NEXMIF: variants seen among roughly 807,000 people sequenced by gnomAD.
NEXMIF encodes XLMR protein related to neurite extension.
In NEXMIF, 8 loss-of-function variants were observed where a neutral mutation model predicts 62.1. The observed-to-expected ratio is 0.13, with a 90% CI of 0.08 to 0.23. NEXMIF has a LOEUF of 0.23. Among genes scored for constraint, NEXMIF ranks in the 10% least tolerant of loss-of-function variants. NEXMIF has a pLI of 1.00. For missense variants in NEXMIF, 976 were observed against 1,113.3 expected, an observed-to-expected ratio of 0.88 and a Z score of 1.75; for synonymous variants, 404 against 416.6, an observed-to-expected ratio of 0.97 and a Z score of 0.37.
At chrX:74,812,936 C>A (rs192419717) in intron 1 of NEXMIF, among the ~76,000 whole-genome samples, 65 of 111,601 alleles carry the variant, frequency 5.8e-4, no homozygotes, top group African/African-American at 1.9e-3. Flanking sequence ...CTTGGAAAAC[C>A]TGCTGTAGTG....
At chrX:74,865,292 T>C (rs1350317876) in intron 1 of NEXMIF, among the ~76,000 whole-genome samples, 4 of 111,407 alleles carry the variant, frequency 3.6e-5, no homozygotes, top group African/African-American at 1.3e-4. Flanking sequence ...GAGGAATTTG[T>C]TGGGAACTGG....
chrX:74,751,482 GTC>G (rs1362539055), intron 1 of NEXMIF, among the ~76,000 whole-genome samples: 3 of 107,575 alleles, frequency 2.8e-5, no homozygotes, highest in Non-Finnish European at 5.8e-5. Context: ...TCTTCTCTCT[GTC>G]TCTCTCTCTT....
At chrX:74,871,022 G>A (rs2080598630) in intron 1 of NEXMIF, among the ~76,000 whole-genome samples, 2 of 112,040 alleles carry the variant, frequency 1.8e-5, no homozygotes, top group Non-Finnish European at 3.8e-5. Flanking sequence ...GTACTCCTGT[G>A]TTTATTGCAG....
intron 1 of NEXMIF, among the ~76,000 whole-genome samples, chrX:74,750,877 A>G (rs1276369245): frequency 9.0e-6 from 1 of 111,728 alleles, no homozygotes; most frequent in African/African-American, 3.3e-5. Flanking sequence ...AAAGAATTCT[A>G]TATATCTCAA....
chrX:74,866,193 C>A (rs901681633), intron 1 of NEXMIF, among the ~76,000 whole-genome samples: 2 of 111,936 alleles, frequency 1.8e-5, no homozygotes, highest in African/African-American at 6.5e-5. Context: ...CGTGGGATCC[C>A]ACTGCTTGCA....
intron 1 of NEXMIF, among the ~76,000 whole-genome samples, chrX:74,815,881 G>A (rs753247662): frequency 2.4e-4 from 27 of 110,206 alleles, no homozygotes; most frequent in African/African-American, 7.3e-4. Flanking sequence ...TGATCCACCC[G>A]CCTCGGCATC....
At chrX:74,868,130 T>C (rs2080586848) in intron 1 of NEXMIF, among the ~76,000 whole-genome samples, 2 of 111,970 alleles carry the variant, frequency 1.8e-5, no homozygotes, top group African/African-American at 6.5e-5. Flanking sequence ...AAACAACAGA[T>C]ACTGGTGAGG....
At chrX:74,819,590 T>A (rs375914651) in intron 1 of NEXMIF, among the ~76,000 whole-genome samples, 1 of 111,959 alleles carries the variant, frequency 8.9e-6, no homozygotes, top group African/African-American at 3.2e-5. Context: ...GAAAAAAAGC[T>A]CATCATCACT....
chrX:74,920,552 A>G (rs2147377754), intron 1 of NEXMIF, among the ~76,000 whole-genome samples: 1 of 111,264 alleles, frequency 9.0e-6, no homozygotes, highest in Non-Finnish European at 1.9e-5. Context: ...GTAGGTTGCA[A>G]AAATTTTCTC....
intron 1 of NEXMIF, among the ~76,000 whole-genome samples, chrX:74,785,036 T>C (rs1042454509): frequency 1.8e-5 from 2 of 111,505 alleles, no homozygotes; most frequent in African/African-American, 3.3e-5. Flanking sequence ...TGTGACTCTA[T>C]TGGGAGAAGA....
intron 1 of NEXMIF, among the ~76,000 whole-genome samples, chrX:74,866,938 C>CAGAATACAAAACCAATGTGCA (rs2080581872): frequency 8.9e-6 from 1 of 112,293 alleles, no homozygotes. Flanking sequence ...CTAATACACT[C>CAGAATACAAAACCAATGTGCA]AGAATACAAA....
At chrX:74,752,780 CT>C (rs2080148273) in intron 1 of NEXMIF, among the ~76,000 whole-genome samples, 1 of 111,777 alleles carries the variant, frequency 8.9e-6, no homozygotes, top group South Asian at 3.7e-4. Flanking sequence ...GTCCCTTTGC[CT>C]TTGTGAAAGA....
At chrX:74,882,637 G>A (rs760651972) in intron 1 of NEXMIF, among the ~76,000 whole-genome samples, 5 of 111,839 alleles carry the variant, frequency 4.5e-5, no homozygotes, top group African/African-American at 1.3e-4. Flanking sequence ...GTAGGTAAAC[G>A]AAGTGTCCAG....
intron 1 of NEXMIF, among the ~76,000 whole-genome samples, chrX:74,819,648 C>T (rs1031572099): frequency 1.1e-4 from 12 of 112,044 alleles, no homozygotes; most frequent in South Asian, 7.5e-4. Context: ...TACCATCCCA[C>T]GCCAGTTAGA....
At chrX:74,814,603 T>C (rs2080370229) in intron 1 of NEXMIF, among the ~76,000 whole-genome samples, 1 of 112,240 alleles carries the variant, frequency 8.9e-6, no homozygotes, top group Non-Finnish European at 1.9e-5. Context: ...ATGCTATGAC[T>C]GATGCACATG....
chrX:74,823,766 T>C lies in NEXMIF; in HGVS notation c.-47-78069A>G, dbSNP rs1288757454. On this transcript the variant is annotated intron_variant, in intron 1 of 3. Coordinates refer to ENST00000055682, the MANE Select transcript of NEXMIF (RefSeq NM_001008537.3). ...GCAAAATGAACACTGTGTAAGACTA[T>C]GAATGAGAAAATAGATGGGGGAGAG... 3.6e-5 allele frequency among the ~76,000 whole-genome samples: 4 copies of C among 110,739 alleles called. No individual in the cohort carries two copies. In the Admixed American group the frequency reaches 3.9e-4, roughly 11 times the overall value.
chrX:74,740,149 C>A lies in NEXMIF; in HGVS notation c.4408G>T (p.Glu1470Ter). ...CCAGACTCATCCTTGTGGACCTGTTCTCGCTCCATGTGCTTTCCCTTACAT... is the reference window on the plus strand; with the variant it reads ...CCAGACTCATCCTTGTGGACCTGTTATCGCTCCATGTGCTTTCCCTTACAT... The part of the protein sequence containing the change: ...EKCKGKHMER[E>*]QVHKDESGTA... The change falls in exon 3 of 4, where the codon GAA becomes TAA. Residue 1470 changes from glutamate to a stop codon, truncating the protein, a stop_gained. Coordinates refer to ENST00000055682, the MANE Select transcript of NEXMIF (RefSeq NM_001008537.3). LOFTEE classifies it high-confidence loss of function. 2 of 1,210,846 alleles carry A rather than the reference C, an allele frequency of 1.7e-6. No homozygotes were observed. The highest frequency in any genetic ancestry group is 1.1e-6 in the Non-Finnish European group (1 of 894,957).
At chrX:74,896,610 A>G (rs1022181204) in intron 1 of NEXMIF, among the ~76,000 whole-genome samples, 1 of 111,929 alleles carries the variant, frequency 8.9e-6, no homozygotes, top group African/African-American at 3.2e-5. Flanking sequence ...GGAATACATG[A>G]AAAGGCTCCC....
At chrX:74,749,642 CCT>C (rs1233723330) in intron 1 of NEXMIF, among the ~76,000 whole-genome samples, 1 of 110,824 alleles carries the variant, frequency 9.0e-6, no homozygotes, top group Non-Finnish European at 1.9e-5. Context: ...CTCCCTTTCA[CCT>C]CTCTGTACTC....
Sources: gnomAD v4.1 joint callset for allele counts (sites outside exome capture counted in the v4.1 genomes callset) on GRCh38, gnomAD v4.1.1 for gene constraint, MANE v1.5 for transcripts, NCBI Gene and HGNC (gene_info 2026-07-23, HGNC 2026-07-21) for gene names.